FAIM2: variants seen among roughly 807,000 people sequenced by gnomAD.
FAIM2 encodes the protein protein lifeguard 2.
FAIM2 carries 27 observed loss-of-function variants against 47.4 expected under a neutral mutation model. The observed-to-expected ratio is 0.57, with a 90% CI of 0.42 to 0.78. FAIM2 has a LOEUF of 0.78. FAIM2 is among the 30% of genes least tolerant of loss of function. The probability of loss-of-function intolerance (pLI) is 0.00; values close to 1 mark genes in which losing one functional copy is unlikely to be tolerated. For missense variants in FAIM2, 311 were observed against 389.4 expected (o/e 0.80, Z 1.69); for synonymous variants, 156 against 159.3 (o/e 0.98, Z 0.16).
chr12:49,880,168 A>C (rs199624053), intron 11 of FAIM2, among the ~76,000 whole-genome samples: 3,330 of 21,304 alleles, frequency 0.16, 44 homozygotes, highest in African/African-American at 0.33. Flanking sequence ...GCATGTGTGT[A>C]TGTGTGTGTA....
At position 49,878,652 on chromosome 12, in the gene FAIM2, GCGC is replaced by G. The variant is rs1310364883; in HGVS notation, c.802-8002_802-8000del. On this transcript the variant is annotated intron_variant, in intron 11 of 11. Transcript: ENST00000320634. ...TATGTATGTGCCCTTGTATATATGT[GCGC>G]TTGTATGTGCATGTGTGTATGTGTG... Among the ~76,000 whole-genome samples, 92 of 118,498 alleles carry G rather than the reference GCGC, an allele frequency of 7.8e-4. 6 individuals are homozygous for G. Among genetic ancestry groups the G allele is most frequent in the African/African-American group, 3.5e-3 (89 of 25,676 alleles). 77.7% of individuals were successfully genotyped at this position (118,498 alleles called of 152,430 possible).
rs751059730 is a variant in FAIM2 at position 49,891,126 on chromosome 12, AGAT to A, written c.435-15_435-13del. 6.2e-7 allele frequency: 1 copy of A among 1,613,992 alleles called. No individual in the cohort carries two copies. The highest frequency in any genetic ancestry group is 1.1e-5 in the South Asian group (1 of 91,074). ...CAAAGAACACAGCACTGTGAGAGAC[AGAT>A]GGATAGGTGAGTCAGCCAGCCTCTC... On this transcript the variant is annotated splice_polypyrimidine_tract_variant and intron_variant, in intron 5 of 11. Coordinates refer to ENST00000320634, the MANE Select transcript of FAIM2 (RefSeq NM_012306.4).
At chr12:49,889,389 C>A in intron 9 of FAIM2, 92 bp downstream of exon 9, 2 of 1,236,468 alleles carry the variant, frequency 1.6e-6, no homozygotes, top group Non-Finnish European at 1.2e-6. Context: ...CTCTCCCCAG[C>A]CCCAGGTCCG....
chr12:49,890,966 A>G, intron 6 of FAIM2, 98 bp downstream of exon 6: 3 of 1,223,736 alleles, frequency 2.5e-6, no homozygotes, highest in Non-Finnish European at 3.6e-6. Flanking sequence ...GGGCCCTCTC[A>G]GGGCTGCACA....
intron 2 of FAIM2, among the ~76,000 whole-genome samples, chr12:49,898,695 A>T (rs368927): frequency 0.75 from 113,637 of 151,858 alleles, 42,909 homozygotes; most frequent in East Asian, 0.88. Flanking sequence ...CCTGGCTAAT[A>T]TTTTATATTT....
intron 7 of FAIM2, 119 bp downstream of exon 7, chr12:49,890,564 G>T: frequency 4.3e-6 from 4 of 932,916 alleles, no homozygotes; most frequent in Non-Finnish European, 7.1e-6. Context: ...CCCCTGCCCC[G>T]CCAGGGACCT....
intron 5 of FAIM2, among the ~76,000 whole-genome samples, chr12:49,896,636 A>T (rs1195005229): frequency 6.6e-6 from 1 of 152,264 alleles, no homozygotes; most frequent in East Asian, 1.9e-4. Flanking sequence ...GGTAGCTATT[A>T]TGATTAATAT....
chr12:49,883,838 G>T (rs1246393266), intron 11 of FAIM2, among the ~76,000 whole-genome samples: 4 of 152,076 alleles, frequency 2.6e-5, no homozygotes, highest in Admixed American at 6.6e-5. Context: ...AATACTTCTG[G>T]GAGTCCAGCA....
chr12:49,879,391 T>C (rs1041464951), intron 11 of FAIM2, among the ~76,000 whole-genome samples: 4 of 151,950 alleles, frequency 2.6e-5, no homozygotes, highest in Non-Finnish European at 2.9e-5. Flanking sequence ...TGTATGTGGG[T>C]ATGTGTCCAT....
chr12:49,888,048 G>A (rs977970174), intron 10 of FAIM2, among the ~76,000 whole-genome samples: 7 of 152,306 alleles, frequency 4.6e-5, no homozygotes, highest in South Asian at 4.1e-4. Flanking sequence ...GGGAAACTCT[G>A]CAGGAGGCAC....
At chr12:49,898,618 C>G (rs1946958509) in intron 2 of FAIM2, among the ~76,000 whole-genome samples, 1 of 152,162 alleles carries the variant, frequency 6.6e-6, no homozygotes, top group African/African-American at 2.4e-5. Context: ...CTCGACTTCC[C>G]CTGGCTCAGG....
rs367572611 is a variant in FAIM2 at position 49,900,111 on chromosome 12, G to A, written c.211+1019C>T. 332 of 904,210 alleles carry A rather than the reference G, an allele frequency of 3.7e-4. 1 individual carries two copies. Among genetic ancestry groups the A allele is most frequent in the Admixed American group, 9.3e-4 (36 of 38,602 alleles). 56.0% of individuals were successfully genotyped at this position (904,210 alleles called of 1,614,324 possible). On this transcript the variant is annotated intron_variant, in intron 2 of 11. Coordinates refer to ENST00000320634, the MANE Select transcript of FAIM2 (RefSeq NM_012306.4). ...GGGGAAAAGAGAGGGAAAGTGGGCCGGCGGGTGTGTAGGGAAGGGAGGAGG... is the reference window on the plus strand; with the variant it reads ...GGGGAAAAGAGAGGGAAAGTGGGCCAGCGGGTGTGTAGGGAAGGGAGGAGG...
intron 5 of FAIM2, among the ~76,000 whole-genome samples, chr12:49,892,257 C>G (rs1054234347): frequency 3.9e-5 from 6 of 152,224 alleles, no homozygotes; most frequent in Non-Finnish European, 5.9e-5. Context: ...CCTCCCACCC[C>G]CTTAATTGCC....
intron 5 of FAIM2, among the ~76,000 whole-genome samples, chr12:49,895,996 C>T (rs1946934195): frequency 6.6e-6 from 1 of 152,256 alleles, no homozygotes; most frequent in Non-Finnish European, 1.5e-5. Flanking sequence ...TCGCCCCACG[C>T]TTTTGCTTAA....
chr12:49,891,575 C>T (rs147202166), intron 5 of FAIM2, among the ~76,000 whole-genome samples: 4 of 152,298 alleles, frequency 2.6e-5, no homozygotes, highest in Non-Finnish European at 2.9e-5. Flanking sequence ...AGGATGAGAA[C>T]CCAGGCACTC....
chr12:49,892,112 T>C (rs1946904277), intron 5 of FAIM2, among the ~76,000 whole-genome samples: 1 of 151,908 alleles, frequency 6.6e-6, no homozygotes, highest in African/African-American at 2.4e-5. Flanking sequence ...GCCCCCTCAC[T>C]CTTCCCGCAC....
At chr12:49,892,432 C>T (rs1014932280) in intron 5 of FAIM2, among the ~76,000 whole-genome samples, 2 of 152,182 alleles carry the variant, frequency 1.3e-5, no homozygotes, top group African/African-American at 4.8e-5. Flanking sequence ...ATTCACCATG[C>T]CCCCTCCTCC....
At chr12:49,882,901 C>A (rs1317228906) in intron 11 of FAIM2, among the ~76,000 whole-genome samples, 4 of 152,160 alleles carry the variant, frequency 2.6e-5, no homozygotes, top group African/African-American at 9.7e-5. Context: ...TGGAGGGAGA[C>A]AGACAATGAG....
chr12:49,890,176 A>G (rs1256324939), intron 7 of FAIM2, 22 bp from the exon 8 acceptor site: 1 of 1,613,770 alleles, frequency 6.2e-7, no homozygotes, highest in Non-Finnish European at 8.5e-7. Context: ...AGCAGGGTAA[A>G]GGAATGTTCC....
Sources: allele counts gnomAD v4.1 joint callset (sites outside exome capture counted in the v4.1 genomes callset), GRCh38; gene constraint gnomAD v4.1.1; transcripts MANE v1.5; gene names NCBI Gene and HGNC (gene_info 2026-07-23, HGNC 2026-07-21).